NBEA: variants seen among roughly 807,000 people sequenced by gnomAD.
NBEA encodes neurobeachin, also known as lysosomal-trafficking regulator 2.
A neutral mutation model predicts 343.4 loss-of-function variants in NBEA; 44 were observed. The ratio of observed to expected loss-of-function variants is 0.13; its 90% CI spans 0.10 to 0.16. The LOEUF is 0.16. NBEA is among the 10% of genes least tolerant of loss of function. The pLI, the probability that NBEA is intolerant of heterozygous loss-of-function variation, is 1.00. For synonymous variants in NBEA, 1,175 were observed against 1,238.7 expected (o/e 0.95, Z 1.08); for missense variants, 2,555 against 3,631.3 (o/e 0.70, Z 7.62).
intron 31 of NBEA, among the ~76,000 whole-genome samples, chr13:35,205,764 CT>C (rs2073351795): frequency 6.6e-6 from 1 of 152,054 alleles, no homozygotes; most frequent in African/African-American, 2.4e-5. Flanking sequence ...GTATTGGCTG[CT>C]TAGAATATTC....
At position 34,943,045 on chromosome 13, in the gene NBEA, A is replaced by G. The variant is rs368536409; in HGVS notation, c.225A>G (p.Ala75=). The G allele has an allele frequency of 2.5e-6, 4 of 1,613,082 alleles. No individual in the cohort carries two copies. In the African/African-American group the frequency reaches 4.0e-5, roughly 16 times the overall value. ...VPIRNIRMKF[A]VLIGLIQVGE... is the part of the protein sequence containing the mutation. The stretch of plus-strand genomic sequence containing the variant: ...TCCGCAACATCCGGATGAAATTCGC[A>G]GTGTTGATTGGACTCATACAGGTCG... The change falls in exon 1 of 59, where the codon GCA becomes GCG. Residue 75 remains alanine (A), a synonymous_variant. Transcript: ENST00000379939.
intron 34 of NBEA, among the ~76,000 whole-genome samples, chr13:35,285,074 A>T (rs1423578977): frequency 6.6e-6 from 1 of 152,180 alleles, no homozygotes; most frequent in African/African-American, 2.4e-5. Context: ...GTTATTCAAC[A>T]TTTGTTACTG....
chr13:35,115,068 G>A (rs1024606286), intron 13 of NBEA, among the ~76,000 whole-genome samples: 5 of 151,914 alleles, frequency 3.3e-5, no homozygotes, highest in African/African-American at 1.2e-4. Flanking sequence ...TAAAAGCATT[G>A]AGATATATTA....
At chr13:35,100,558 C>T (rs2065594038) in intron 11 of NBEA, among the ~76,000 whole-genome samples, 1 of 151,706 alleles carries the variant, frequency 6.6e-6, no homozygotes, top group African/African-American at 2.4e-5. Flanking sequence ...GAGGACTTAC[C>T]CCGTTAAATA....
At chr13:35,170,787 C>T (rs1266325058) in intron 25 of NBEA, among the ~76,000 whole-genome samples, 3 of 151,780 alleles carry the variant, frequency 2.0e-5, no homozygotes, top group South Asian at 2.1e-4. Context: ...ATTTGACAGC[C>T]ATCTCATTTT....
intron 38 of NBEA, among the ~76,000 whole-genome samples, chr13:35,430,753 A>G (rs2045048693): frequency 6.6e-6 from 1 of 151,748 alleles, no homozygotes. Context: ...ATGAAAATCA[A>G]TATAGCATGA....
chr13:35,048,993 G>C (rs1049206636), intron 5 of NBEA, among the ~76,000 whole-genome samples: 1 of 151,526 alleles, frequency 6.6e-6, no homozygotes, highest in Non-Finnish European at 1.5e-5. Context: ...GAGGATTGCT[G>C]GTCCCTGAAA....
At chr13:35,562,190 T>A (rs1466419238) in intron 44 of NBEA, among the ~76,000 whole-genome samples, 1 of 152,114 alleles carries the variant, frequency 6.6e-6, no homozygotes, top group Non-Finnish European at 1.5e-5. Flanking sequence ...TTTCTTTAAC[T>A]ATTTTTGAAA....
rs200711024 is a variant in NBEA, at chr13:35,628,222, A to G, written c.7591A>G (p.Ser2531Gly). ...LTYEGSVNLD[S>G]ITDPVLREIP... ...TTATGAAGGCTCTGTGAACCTGGAT[A>G]GTATCACTGATCCTGTGCTCAGGGA... The change falls in exon 49 of 59, where the codon AGT becomes GGT. Residue 2531 changes from serine to glycine, a missense_variant. Physicochemically the swap from Ser to Gly is moderately conservative, Grantham distance 56. Coordinates refer to ENST00000379939, the MANE Select transcript of NBEA (RefSeq NM_001385012.1). 8.7e-5 allele frequency: 140 copies of G among 1,610,592 alleles called. No individual in the cohort carries two copies. Among genetic ancestry groups the G allele is most frequent in the Non-Finnish European group, 3.4e-6 (4 of 1,178,368 alleles).
intron 55 of NBEA, among the ~76,000 whole-genome samples, chr13:35,662,840 G>T (rs2085166955): frequency 6.6e-6 from 1 of 151,952 alleles, no homozygotes; most frequent in South Asian, 2.1e-4. Context: ...TTAGGGAAAG[G>T]TCCCAAAACT....
chr13:35,378,195 T>C (rs773905683), intron 38 of NBEA, among the ~76,000 whole-genome samples: 6 of 152,222 alleles, frequency 3.9e-5, no homozygotes, highest in Admixed American at 6.5e-5. Flanking sequence ...TCATTCTTCC[T>C]CACATTTCAA....
At chr13:34,966,514 T>C (rs2059824235) in intron 1 of NBEA, among the ~76,000 whole-genome samples, 1 of 152,006 alleles carries the variant, frequency 6.6e-6, no homozygotes, top group East Asian at 1.9e-4. Context: ...GTCCTGGTTT[T>C]CTGTAAATAA....
At chr13:34,953,763 G>A (rs1427619805) in intron 1 of NBEA, among the ~76,000 whole-genome samples, 3 of 152,178 alleles carry the variant, frequency 2.0e-5, no homozygotes, top group Admixed American at 2.0e-4. Context: ...CTCTAAACCA[G>A]GGGTTCCCAA....
At chr13:35,536,207 C>T (rs1026964678) in intron 41 of NBEA, among the ~76,000 whole-genome samples, 1 of 152,102 alleles carries the variant, frequency 6.6e-6, no homozygotes, top group African/African-American at 2.4e-5. Flanking sequence ...GTCTTTAAAA[C>T]CTGAAAAATA....
intron 41 of NBEA, among the ~76,000 whole-genome samples, chr13:35,547,014 C>A (rs949399222): frequency 6.6e-6 from 1 of 152,098 alleles, no homozygotes; most frequent in African/African-American, 2.4e-5. Flanking sequence ...TGACCCTAGG[C>A]TCTATCAGGT....
At chr13:35,643,498 C>G (rs773441712) in intron 49 of NBEA, among the ~76,000 whole-genome samples, 1 of 151,876 alleles carries the variant, frequency 6.6e-6, no homozygotes, top group Non-Finnish European at 1.5e-5. Flanking sequence ...TTTTCTAGAC[C>G]AGGTTTCAGT....
chr13:35,349,685 T>G (rs2040077347), intron 37 of NBEA, among the ~76,000 whole-genome samples: 1 of 152,106 alleles, frequency 6.6e-6, no homozygotes. Context: ...GTCCGAGAAA[T>G]ATTTATGTGC....
intron 38 of NBEA, among the ~76,000 whole-genome samples, chr13:35,394,156 T>G (rs1405384556): frequency 6.6e-6 from 1 of 152,180 alleles, no homozygotes; most frequent in Non-Finnish European, 1.5e-5. Flanking sequence ...TACTTCTTTT[T>G]GCTCCCAATC....
chr13:35,472,367 C>G, intron 40 of NBEA, 33 bp from the exon 41 acceptor site: 1 of 1,604,394 alleles, frequency 6.2e-7, no homozygotes, highest in South Asian at 1.1e-5. Context: ...GCCACAGGGG[C>G]TCAGCCTGAC....
Sources: gnomAD v4.1 joint callset for allele counts (sites outside exome capture counted in the v4.1 genomes callset) on GRCh38, gnomAD v4.1.1 for gene constraint, MANE v1.5 for transcripts, NCBI Gene and HGNC (gene_info 2026-07-23, HGNC 2026-07-21) for gene names.